The following SLC4A10 variants were observed in gnomAD, a reference collection of about 807,000 sequenced individuals.
SLC4A10 encodes the protein solute carrier family 4 member 10.
A neutral mutation model predicts 137.7 loss-of-function variants in SLC4A10; 42 were observed. The observed-to-expected ratio is 0.30, with a 90% CI of 0.24 to 0.39. The LOEUF is 0.39. Ranked by LOEUF, SLC4A10 falls within the 10% of genes least tolerant of loss-of-function variation. The pLI, the probability that SLC4A10 is intolerant of heterozygous loss-of-function variation, is 1.00. For missense variants in SLC4A10, 925 were observed against 1,355.0 expected (o/e 0.68, Z 4.98); for synonymous variants, 474 against 464.1 (o/e 1.02, Z -0.27).
At chr2:161,712,747 A>G (rs906417911) in intron 1 of SLC4A10, among the ~76,000 whole-genome samples, 1 of 151,904 alleles carries the variant, frequency 6.6e-6, no homozygotes, top group African/African-American at 2.4e-5. Context: ...TTAAATTTAC[A>G]TGCTTAAATA....
At chr2:161,771,302 CTG>C (rs2051572369) in intron 2 of SLC4A10, among the ~76,000 whole-genome samples, 1 of 151,780 alleles carries the variant, frequency 6.6e-6, no homozygotes, top group Non-Finnish European at 1.5e-5. Flanking sequence ...AAGCACTGTA[CTG>C]TGTGTCAATC....
chr2:161,686,175 T>C (rs1228206317), intron 1 of SLC4A10, among the ~76,000 whole-genome samples: 1 of 152,114 alleles, frequency 6.6e-6, no homozygotes, highest in Non-Finnish European at 1.5e-5. Flanking sequence ...ACTCAAAGGG[T>C]TGATATTTTT....
chr2:161,884,808 A>G (rs983128884), intron 10 of SLC4A10, among the ~76,000 whole-genome samples: 2 of 152,230 alleles, frequency 1.3e-5, no homozygotes, highest in Admixed American at 6.5e-5. Flanking sequence ...TTTTTAAAAG[A>G]GAAAACAGAT....
At chr2:161,817,359 C>T (rs1365768369) in intron 3 of SLC4A10, among the ~76,000 whole-genome samples, 1 of 152,060 alleles carries the variant, frequency 6.6e-6, no homozygotes, top group East Asian at 1.9e-4. Flanking sequence ...TGTTTAAGTT[C>T]ATTGTAGATT....
chr2:161,730,363 A>G (rs1161404932), intron 1 of SLC4A10, among the ~76,000 whole-genome samples: 1 of 152,134 alleles, frequency 6.6e-6, no homozygotes, highest in Non-Finnish European at 1.5e-5. Flanking sequence ...AGGGAGACAG[A>G]TTTTGGTTTC....
At chr2:161,654,109 A>AT (rs2037184928) in intron 1 of SLC4A10, among the ~76,000 whole-genome samples, 1 of 152,134 alleles carries the variant, frequency 6.6e-6, no homozygotes, top group African/African-American at 2.4e-5. Context: ...AAGTAATTCA[A>AT]TTTGCATTTC....
intron 5 of SLC4A10, among the ~76,000 whole-genome samples, chr2:161,855,380 T>C (rs1007102759): frequency 4.6e-5 from 7 of 152,146 alleles, no homozygotes; most frequent in African/African-American, 1.7e-4. Flanking sequence ...CCATTCACCA[T>C]TTATTTTCAT....
At chr2:161,665,204 A>T (rs1338819802) in intron 1 of SLC4A10, among the ~76,000 whole-genome samples, 1 of 151,828 alleles carries the variant, frequency 6.6e-6, no homozygotes, top group Non-Finnish European at 1.5e-5. Flanking sequence ...TAAATGAAAT[A>T]ATCATGCACT....
intron 2 of SLC4A10, among the ~76,000 whole-genome samples, chr2:161,802,115 T>C (rs559086535): frequency 4.6e-5 from 7 of 152,144 alleles, no homozygotes; most frequent in Non-Finnish European, 1.0e-4. Flanking sequence ...CTTGAACCAA[T>C]TATAATTTTT....
intron 1 of SLC4A10, among the ~76,000 whole-genome samples, chr2:161,649,881 A>G (rs568684519): frequency 6.6e-6 from 1 of 151,898 alleles, no homozygotes; most frequent in South Asian, 2.1e-4. Context: ...TGATCTTTTT[A>G]TTTTGGAATA....
chr2:161,722,640 A>G (rs2045806971), intron 1 of SLC4A10, among the ~76,000 whole-genome samples: 2 of 152,112 alleles, frequency 1.3e-5, no homozygotes, highest in South Asian at 4.1e-4. Context: ...GGGTCTCCCC[A>G]AGTCAAGAGG....
At chr2:161,915,759 T>G (rs546605811) in intron 15 of SLC4A10, among the ~76,000 whole-genome samples, 1 of 152,212 alleles carries the variant, frequency 6.6e-6, no homozygotes, top group East Asian at 1.9e-4. Context: ...TTGAGCAGGG[T>G]GGGCTGAGTA....
intron 1 of SLC4A10, among the ~76,000 whole-genome samples, chr2:161,720,210 T>A (rs886979746): frequency 6.6e-6 from 1 of 152,198 alleles, no homozygotes; most frequent in Non-Finnish European, 1.5e-5. Context: ...GTTGTAGATA[T>A]GCAGTGTTAT....
intron 15 of SLC4A10, among the ~76,000 whole-genome samples, chr2:161,942,432 C>T (rs1692883083): frequency 6.6e-6 from 1 of 152,104 alleles, no homozygotes; most frequent in Admixed American, 6.6e-5. Flanking sequence ...AAATCATCTT[C>T]AGAATATGAA....
chr2:161,950,783 A>G lies in SLC4A10; in HGVS notation c.2476A>G (p.Ile826Val), dbSNP rs1694663208. The change falls in exon 19 of 27, where the codon ATT (isoleucine) becomes GTT (valine). Residue 826 changes from isoleucine to valine, a missense_variant. Transcript: ENST00000446997. Reference protein sequence around the residue: ...AAIIPALLCTILIFMDQQITA... With the variant: ...AAIIPALLCTVLIFMDQQITA... The stretch of plus-strand genomic sequence containing the variant: ...TATAATTCCAGCTCTGCTTTGTACT[A>G]TTCTAATTTTTATGGACCAACAGAT... The G allele has an allele frequency of 1.2e-6, 2 of 1,603,900 alleles. No homozygotes were observed. Among genetic ancestry groups the G allele is most frequent in the South Asian group, 1.1e-5 (1 of 89,300 alleles).
chr2:161,651,450 C>T (rs1208491823), intron 1 of SLC4A10, among the ~76,000 whole-genome samples: 1 of 152,204 alleles, frequency 6.6e-6, no homozygotes, highest in Non-Finnish European at 1.5e-5. Flanking sequence ...GTAATACAAA[C>T]AGGGCTGCAA....
intron 6 of SLC4A10, among the ~76,000 whole-genome samples, chr2:161,869,618 T>A (rs897948344): frequency 6.6e-6 from 1 of 151,618 alleles, no homozygotes; most frequent in African/African-American, 2.4e-5. Context: ...TATCTATACA[T>A]CGTTCTATAT....
chr2:161,713,247 C>T (rs957670843), intron 1 of SLC4A10, among the ~76,000 whole-genome samples: 1 of 151,622 alleles, frequency 6.6e-6, no homozygotes, highest in African/African-American at 2.4e-5. Flanking sequence ...AAACTGAGAA[C>T]ATTTCTTTGC....
chr2:161,651,798 C>G (rs1300569825), intron 1 of SLC4A10, among the ~76,000 whole-genome samples: 1 of 148,832 alleles, frequency 6.7e-6, no homozygotes, highest in Non-Finnish European at 1.5e-5. Context: ...ACACACACAT[C>G]CCTCCCTGCT....
Sources: gnomAD v4.1 joint callset for allele counts (sites outside exome capture counted in the v4.1 genomes callset) on GRCh38, gnomAD v4.1.1 for gene constraint, MANE v1.5 for transcripts, NCBI Gene and HGNC (gene_info 2026-07-23, HGNC 2026-07-21) for gene names.